The following U2SURP variants were observed in gnomAD, a reference collection of about 807,000 sequenced individuals.
The protein encoded by U2SURP is U2 snRNP associated SURP domain containing.
In U2SURP, 9 loss-of-function variants were observed where a neutral mutation model predicts 144.9. The observed-to-expected ratio is 0.06, with a 90% CI of 0.04 to 0.11. U2SURP has a LOEUF of 0.11. Ranked by LOEUF, U2SURP falls within the 10% of genes least tolerant of loss-of-function variation. The pLI is 1.00. For missense variants in U2SURP, 724 were observed against 1,226.7 expected (o/e 0.59, Z 6.12); for synonymous variants, 408 against 396.8 (o/e 1.03, Z -0.33).
intron 10 of U2SURP, 75 bp from the exon 11 acceptor site, chr3:143,022,422 A>G: frequency 7.3e-7 from 1 of 1,373,628 alleles, no homozygotes; most frequent in Non-Finnish European, 9.6e-7. Context: ...TTTTGTAAAA[A>G]CTACTTTGTT....
chr3:143,059,630 C>G lies in U2SURP; in HGVS notation c.*3180C>G, dbSNP rs1560214727. On this transcript the variant is annotated 3_prime_UTR_variant, in exon 28 of 28. Coordinates refer to ENST00000473835, the MANE Select transcript of U2SURP (RefSeq NM_001080415.2). ...AAAGTGACTTAAACTGTTCTGATGA[C>G]CACACAGTGTGATTTCTTTAGCAGA... 1 of 151,816 alleles carries G rather than the reference C, an allele frequency of 6.6e-6. No homozygotes were observed. The highest frequency in any genetic ancestry group is 1.9e-4 in the East Asian group (1 of 5,196). 9.4% of individuals were successfully genotyped at this position (151,816 alleles called of 1,614,324 possible).
chr3:143,018,232 C>G (rs1437960338), intron 6 of U2SURP, among the ~76,000 whole-genome samples: 1 of 152,020 alleles, frequency 6.6e-6, no homozygotes, highest in African/African-American at 2.4e-5. Context: ...CCCTGACAGC[C>G]TACTAATCTA....
chr3:143,020,172 A>G (rs1449363496), intron 7 of U2SURP, 136 bp downstream of exon 7: 5 of 549,554 alleles, frequency 9.1e-6, no homozygotes, highest in Non-Finnish European at 1.5e-5. Flanking sequence ...AGATATTATA[A>G]TATTTGGTGG....
rs774223950 is a variant in U2SURP at position 143,024,036 on chromosome 3, T to C, written c.1274+18T>C. The stretch of plus-strand genomic sequence containing the variant: ...ACAGAAAGGTACATGTTTTTCTTTA[T>C]TATTACTGATCTAAATATAGACAAT... On this transcript the variant is annotated intron_variant, in intron 13 of 27. Transcript: ENST00000473835. 1 of 1,604,040 alleles carries C rather than the reference T, an allele frequency of 6.2e-7. No individual in the cohort carries two copies. Among genetic ancestry groups the C allele is most frequent in the Non-Finnish European group, 8.5e-7 (1 of 1,171,038 alleles).
At chr3:143,056,089 A>G (rs1291283327) in intron 27 of U2SURP, among the ~76,000 whole-genome samples, 1 of 152,178 alleles carries the variant, frequency 6.6e-6, no homozygotes, top group Non-Finnish European at 1.5e-5. Flanking sequence ...ATCTGTCTTT[A>G]TAAACAAGCG....
Position 143,058,608 on chromosome 3 carries a change from G to C in U2SURP, c.*2158G>C, listed in dbSNP as rs1188550096. On this transcript the variant is annotated 3_prime_UTR_variant, in exon 28 of 28. Coordinates refer to ENST00000473835, the MANE Select transcript of U2SURP (RefSeq NM_001080415.2). Reference sequence around the variant, plus strand: ...GAATTGCAAATGGTATTATTAGATAGGTTATTTCCAGTTTTACTTCATGAC... The same window carrying C: ...GAATTGCAAATGGTATTATTAGATACGTTATTTCCAGTTTTACTTCATGAC... The C allele has an allele frequency of 2.0e-5, 3 of 151,544 alleles. No individual in the cohort carries two copies. Among genetic ancestry groups the C allele is most frequent in the Non-Finnish European group, 3.0e-5 (2 of 67,706 alleles). The allele number at this position is 151,544 out of a possible 1,614,324, so 9.4% of individuals were successfully genotyped here.
At chr3:143,044,409 C>T (rs1934304088) in intron 24 of U2SURP, among the ~76,000 whole-genome samples, 1 of 151,246 alleles carries the variant, frequency 6.6e-6, no homozygotes, top group Admixed American at 6.6e-5. Flanking sequence ...CCATGTCAGC[C>T]TCTGGAGTAG....
chr3:143,027,012 G>T, intron 13 of U2SURP, 137 bp from the exon 14 acceptor site: 2 of 645,194 alleles, frequency 3.1e-6, no homozygotes, highest in Non-Finnish European at 5.5e-6. Flanking sequence ...TATGCTCCAG[G>T]TTACTTTTTT....
At chr3:143,033,450 AGT>A (rs1933619274) in intron 18 of U2SURP, 100 bp downstream of exon 18, 1 of 659,646 alleles carries the variant, frequency 1.5e-6, no homozygotes, top group Non-Finnish European at 2.6e-6. Flanking sequence ...AAGAATAAGA[AGT>A]ACAGTCAGCC....
At chr3:143,020,476 A>G (rs919103413) in intron 7 of U2SURP, 123 bp from the exon 8 acceptor site, 2 of 679,424 alleles carry the variant, frequency 2.9e-6, no homozygotes, top group African/African-American at 3.6e-5. Context: ...CTTGGTTATC[A>G]GTACCAGTAT....
chr3:143,054,196 T>C (rs1935030659), intron 26 of U2SURP, among the ~76,000 whole-genome samples: 2 of 152,186 alleles, frequency 1.3e-5, no homozygotes, highest in African/African-American at 4.8e-5. Flanking sequence ...TGAAAGGAGG[T>C]TGTATACATA....
At chr3:143,050,214 T>C (rs923911990) in intron 24 of U2SURP, among the ~76,000 whole-genome samples, 1 of 152,064 alleles carries the variant, frequency 6.6e-6, no homozygotes, top group Middle Eastern at 3.2e-3. Context: ...GCTGGGATTA[T>C]AGGCATGTGC....
chr3:143,047,881 G>GA (rs1260887462), intron 24 of U2SURP, among the ~76,000 whole-genome samples: 1 of 70,814 alleles, frequency 1.4e-5, no homozygotes, highest in Non-Finnish European at 2.7e-5. Flanking sequence ...GCGGGGGGCT[G>GA]ACCCCCCCCA....
intron 23 of U2SURP, 38 bp downstream of exon 23, chr3:143,038,998 A>G (rs537669390): frequency 7.6e-7 from 1 of 1,311,330 alleles, no homozygotes; most frequent in Non-Finnish European, 1.0e-6. Flanking sequence ...TTTCTTGTTC[A>G]TATACACTCC....
At chr3:143,012,064 CT>C (rs1378087268) in intron 2 of U2SURP, 157 bp from the exon 3 acceptor site, 2 of 967,830 alleles carry the variant, frequency 2.1e-6, no homozygotes, top group Non-Finnish European at 1.6e-6. Context: ...TTCTTAAGAA[CT>C]TTTTTGGTGA....
intron 24 of U2SURP, among the ~76,000 whole-genome samples, chr3:143,048,483 C>T (rs907347642): frequency 2.6e-5 from 4 of 152,192 alleles, no homozygotes; most frequent in Admixed American, 1.3e-4. Flanking sequence ...CACCCCACCC[C>T]CTTGCTTTCT....
chr3:143,035,233 A>G lies in U2SURP; in HGVS notation c.1941+258A>G, dbSNP rs537458066. 1.2e-3 allele frequency among the ~76,000 whole-genome samples: 187 copies of G among 152,322 alleles called. 2 individuals carry two copies. The highest frequency in any genetic ancestry group is 6.8e-3 in the Middle Eastern group (2 of 294). On this transcript the variant is annotated intron_variant, in intron 19 of 27. Coordinates refer to ENST00000473835, the MANE Select transcript of U2SURP (RefSeq NM_001080415.2). Reference sequence around the variant, plus strand: ...ATGTTAGTCTTTTTTCATAAAACATACAGAAGAATCACTTGTTTTGTAATG... The same window carrying G: ...ATGTTAGTCTTTTTTCATAAAACATGCAGAAGAATCACTTGTTTTGTAATG...
intron 1 of U2SURP, among the ~76,000 whole-genome samples, chr3:143,004,792 T>TA (rs1233739683): frequency 4.6e-5 from 7 of 152,162 alleles, no homozygotes; most frequent in African/African-American, 1.7e-4. Flanking sequence ...TGTAGACATT[T>TA]AACAAATGTT....
intron 16 of U2SURP, 101 bp downstream of exon 16, chr3:143,028,747 T>C: frequency 9.7e-7 from 1 of 1,026,894 alleles, no homozygotes; most frequent in South Asian, 1.8e-5. Context: ...ATAAATTTTT[T>C]TCACTTGTGA....
Sources: allele counts gnomAD v4.1 joint callset (sites outside exome capture counted in the v4.1 genomes callset), GRCh38; gene constraint gnomAD v4.1.1; transcripts MANE v1.5; gene names NCBI Gene and HGNC (gene_info 2026-07-23, HGNC 2026-07-21).